NTRK1: variants seen among roughly 807,000 people sequenced by gnomAD.
NTRK1 encodes high affinity nerve growth factor receptor.
Under a neutral mutation model 86.8 loss-of-function variants are expected in NTRK1, and 62 were observed. The ratio of observed to expected loss-of-function variants is 0.71; its 90% confidence interval spans 0.58 to 0.88. NTRK1 has a LOEUF of 0.88. NTRK1 is among the 40% of genes least tolerant of loss of function. The pLI, the probability that NTRK1 is intolerant of heterozygous loss-of-function variation, is 0.00. For synonymous variants in NTRK1, 469 were observed against 456.6 expected (o/e 1.03, Z -0.35); for missense variants, 967 against 1,078.4 (o/e 0.90, Z 1.45).
At chr1:156,819,131 T>C (rs576292198) in intron 1 of NTRK1, among the ~76,000 whole-genome samples, 1 of 152,094 alleles carries the variant, frequency 6.6e-6, no homozygotes, top group African/African-American at 2.4e-5. Flanking sequence ...ACCTCCCTTG[T>C]AGCTGGGACT....
intron 16 of NTRK1, 126 bp downstream of exon 16, chr1:156,880,283 C>T (rs376896934): frequency 1.7e-5 from 17 of 981,484 alleles, no homozygotes; most frequent in Admixed American, 4.0e-5. Flanking sequence ...CCCTTTCCAG[C>T]GCCGTGCCCA....
Position 156,854,493 on chromosome 1 carries a change from A to T in NTRK1, c.51-9861A>T, listed in dbSNP as rs1456200172. ...ACCTGCAGCCTGCAGGGTCTCTACCAGATGAGCCACACAGGCAAAAATGAA... is the reference window on the plus strand; with the variant it reads ...ACCTGCAGCCTGCAGGGTCTCTACCTGATGAGCCACACAGGCAAAAATGAA... On this transcript the variant is annotated intron_variant, in intron 2 of 16. Transcript: ENST00000392302. This position sits in a 1 kb window ranked among gnomAD's most constrained non-coding sequence, Gnocchi z 4.2. Among the ~76,000 whole-genome samples the T allele has an allele frequency of 6.6e-6, 1 of 152,106 alleles. No individual in the cohort carries two copies. The highest frequency in any genetic ancestry group is 1.5e-5 in the Non-Finnish European group (1 of 68,016).
intron 6 of NTRK1, 106 bp from the exon 7 acceptor site, chr1:156,871,517 C>T (rs755805805): frequency 7.8e-7 from 1 of 1,283,606 alleles, no homozygotes; most frequent in Non-Finnish European, 1.1e-6. Flanking sequence ...CCTCCCAGCC[C>T]TCCTCTCCTT....
chr1:156,839,279 G>C (rs575839046), intron 1 of NTRK1, among the ~76,000 whole-genome samples: 13 of 152,274 alleles, frequency 8.5e-5, no homozygotes, highest in African/African-American at 3.1e-4. Flanking sequence ...GAGCAAGGGT[G>C]CACAGAAAGT....
intron 1 of NTRK1, among the ~76,000 whole-genome samples, chr1:156,828,872 G>C (rs541947029): frequency 6.6e-6 from 1 of 152,214 alleles, no homozygotes; most frequent in Non-Finnish European, 1.5e-5. Context: ...GCATTGCTTT[G>C]TCAACTGTAA....
chr1:156,866,827 T>C (rs1223776609), intron 3 of NTRK1, 83 bp from the exon 4 acceptor site: 1 of 1,441,236 alleles, frequency 6.9e-7, no homozygotes, highest in Non-Finnish European at 9.7e-7. Flanking sequence ...AACTTCTTTC[T>C]TGGCTCCTCC....
chr1:156,874,116 C>T (rs1647746619), intron 8 of NTRK1, 157 bp downstream of exon 8: 3 of 908,112 alleles, frequency 3.3e-6, no homozygotes. Context: ...CCTCCTTACC[C>T]TCTCCCCAAG....
At chr1:156,864,852 G>C in intron 3 of NTRK1, 53 bp downstream of exon 3, 1 of 1,548,866 alleles carries the variant, frequency 6.5e-7, no homozygotes, top group African/African-American at 1.4e-5. Flanking sequence ...CCCAGACTTG[G>C]GCTGCTAATG....
chr1:156,842,045 T>A, intron 1 of NTRK1: 2 of 1,602,704 alleles, frequency 1.2e-6, no homozygotes, highest in Non-Finnish European at 1.7e-6. Context: ...GTGGGTCTCC[T>A]GATGCCTAGC....
In NTRK1 at chr1:156,875,563, G is replaced by A. The variant is rs750362227; in HGVS notation, c.1398G>A (p.Leu466=). The A allele has an allele frequency of 6.2e-7, 1 of 1,613,820 alleles. No homozygotes were observed. Among genetic ancestry groups the A allele is most frequent in the African/African-American group, 1.3e-5 (1 of 74,884 alleles). ...CAGAGGATGGGCTGGCCATGTCCCTGCATTTCATGACATTGGGTGGCAGCT... is the reference window on the plus strand; with the variant it reads ...CAGAGGATGGGCTGGCCATGTCCCTACATTTCATGACATTGGGTGGCAGCT... The part of the protein sequence containing the change: ...LAPEDGLAMS[L]HFMTLGGSSL... The change falls in exon 12 of 17, where the codon CTG becomes CTA. Residue 466 remains leucine (L), a synonymous_variant. Transcript: ENST00000524377.
At position 156,861,199 on chromosome 1, in the gene NTRK1, G is replaced by A. The variant is rs1655635179; in HGVS notation, c.212+53G>A. ...CGCGGGGACAGGCAGGCATTGCAGT[G>A]CCCCGAGGGCGCGGACTCGCTGCTT... On this transcript the variant is annotated intron_variant, in intron 1 of 16. Coordinates refer to ENST00000524377, the MANE Select transcript of NTRK1 (RefSeq NM_002529.4). The A allele has an allele frequency of 1.3e-5, 20 of 1,520,186 alleles. 1 individual carries two copies. The South Asian group carries it at 2.4e-4, about 18-fold the overall frequency. 94.2% of individuals were successfully genotyped at this position (1,520,186 alleles called of 1,614,324 possible). A position where few individuals can be genotyped will look rare whatever the true frequency, so the allele number is the denominator to read the frequency against.
chr1:156,845,478 G>T lies in NTRK1; in HGVS notation c.50+3285G>T, dbSNP rs1571661000. ...TGCACCCCTGTGCCCTCTGCAGCGC[G>T]TACCGCCTCCAAAAGCACCCACAAC... On this transcript the variant is annotated intron_variant, in intron 2 of 16. Transcript: ENST00000392302. 7 of 1,513,510 alleles carry T rather than the reference G, an allele frequency of 4.6e-6. No homozygotes were observed. In the East Asian group the frequency reaches 1.6e-4, roughly 34 times the overall value. The allele number at this position is 1,513,510 out of a possible 1,614,324, so 93.8% of individuals were successfully genotyped here.
rs750168062 is a variant in NTRK1 at position 156,879,277 on chromosome 1, G to C, written c.1961G>C (p.Arg654Pro). Residue 654 changes from arginine (R) to proline (P), a missense_variant, in exon 15 of 17, where the codon CGC (arginine) becomes CCC (proline). Arg to Pro is a moderately radical substitution (Grantham distance 103). Coordinates refer to ENST00000524377, the MANE Select transcript of NTRK1 (RefSeq NM_002529.4). ...LHFVHRDLAT[R>P]NCLVGQGLVV... Reference sequence around the variant, plus strand: ...TTTGTGCACCGGGACCTGGCCACACGCAACTGTCTAGTGGGCCAGGGACTG... The same window carrying C: ...TTTGTGCACCGGGACCTGGCCACACCCAACTGTCTAGTGGGCCAGGGACTG... The C allele has an allele frequency of 6.2e-7, 1 of 1,613,782 alleles. No individual in the cohort carries two copies. The highest frequency in any genetic ancestry group is 1.7e-5 in the Admixed American group (1 of 60,026).
chr1:156,846,147 G>C, intron 2 of NTRK1: 1 of 1,554,050 alleles, frequency 6.4e-7, no homozygotes, highest in Non-Finnish European at 8.7e-7. Flanking sequence ...ATGCAACTCA[G>C]GGGTGTGGGT....
chr1:156,844,854 G>A, intron 2 of NTRK1: 3 of 1,613,780 alleles, frequency 1.9e-6, no homozygotes, highest in East Asian at 2.2e-5. Flanking sequence ...CTGCGGGAAG[G>A]GGCATCCAGC....
At chr1:156,874,504 G>A (rs907785685) in intron 9 of NTRK1, 67 bp from the exon 10 acceptor site, 14 of 1,612,440 alleles carry the variant, frequency 8.7e-6, no homozygotes, top group African/African-American at 2.7e-5. Context: ...CTGGGGCCAG[G>A]GTTGGGGGGT....
chr1:156,816,164 C>G, intron 1 of NTRK1: 1 of 1,524,536 alleles, frequency 6.6e-7, no homozygotes, highest in South Asian at 1.3e-5. Context: ...TCCCACCCCT[C>G]CTCCCAGGCT....
Position 156,876,429 on chromosome 1 carries a change from G to GCAGGACTTC in NTRK1, c.1666_1674dup (p.Asp556_Gln558dup). 5 of 1,613,886 alleles carry GCAGGACTTC rather than the reference G, an allele frequency of 3.1e-6. No homozygotes were observed. The highest frequency in any genetic ancestry group is 4.2e-6 in the Non-Finnish European group (5 of 1,180,032). On this transcript the variant is annotated inframe_insertion, in exon 14 of 17. Coordinates refer to ENST00000524377, the MANE Select transcript of NTRK1 (RefSeq NM_002529.4). Reference sequence around the variant, plus strand: ...TGAAGGAGGCGTCCGAGAGTGCTCGGCAGGACTTCCAGCGTGAGGCTGAGC... The same window carrying GCAGGACTTC: ...TGAAGGAGGCGTCCGAGAGTGCTCGGCAGGACTTCCAGGACTTCCAGCGTGAGGCTGAGC...
intron 2 of NTRK1, chr1:156,849,513 G>GGGGGGGGGGGGGGGGGTGGGGGGGGC: frequency 2.1e-6 from 1 of 486,122 alleles, no homozygotes; most frequent in Non-Finnish European, 4.1e-6. Context: ...CAGGGGGTGG[G>GGGGGGGGGGGGGGGGGTGGGGGGGGC]AAAGGGGATG....
Sources: allele counts gnomAD v4.1 joint callset (sites outside exome capture counted in the v4.1 genomes callset), GRCh38; gene constraint gnomAD v4.1.1; non-coding constraint Gnocchi (gnomAD v3.1); transcripts MANE v1.5; gene names NCBI Gene and HGNC (gene_info 2026-07-23, HGNC 2026-07-21).